The following RALB variants were observed in gnomAD, a reference collection of about 807,000 sequenced individuals.
RALB encodes the protein RAS like proto-oncogene B, also known as ras-related protein Ral-B.
In RALB, 16 loss-of-function variants were observed where a neutral mutation model predicts 21.3. The ratio of observed to expected loss-of-function variants is 0.75; its 90% CI spans 0.51 to 1.14. The LOEUF (loss-of-function observed/expected upper bound fraction) is 1.14. Among genes scored for constraint, RALB ranks in the 50% most tolerant of loss-of-function variants. The probability of loss-of-function intolerance (pLI) is 0.00; values close to 1 mark genes in which losing one functional copy is unlikely to be tolerated. For missense variants in RALB, 161 were observed against 256.2 expected, an observed-to-expected ratio of 0.63 and a Z score of 2.54; for synonymous variants, 93 against 96.1, an observed-to-expected ratio of 0.97 and a Z score of 0.19.
At chr2:120,261,038 C>T (rs933716220) in intron 1 of RALB, among the ~76,000 whole-genome samples, 1 of 152,122 alleles carries the variant, frequency 6.6e-6, no homozygotes, top group African/African-American at 2.4e-5. Context: ...CACTCCAGAC[C>T]TACTGAATCA....
At chr2:120,246,860 C>G (rs1688978819) in intron 1 of RALB, among the ~76,000 whole-genome samples, 2 of 152,216 alleles carry the variant, frequency 1.3e-5, no homozygotes, top group South Asian at 4.1e-4. Flanking sequence ...TCCAAGGAAG[C>G]CCTTGTGATG....
chr2:120,294,464 T>C lies in RALB; in HGVS notation c.*1204T>C, dbSNP rs1690375416. On this transcript the variant is annotated 3_prime_UTR_variant, in exon 5 of 5. Transcript: ENST00000272519. ...CATCAGTATTCTAAATTGAGCAAAC[T>C]GAAAGATTTTCATCAGGAAAGGAGC... The C allele has an allele frequency of 2.6e-6, 1 of 391,118 alleles. No homozygotes were observed. The highest frequency in any genetic ancestry group is 4.5e-6 in the Non-Finnish European group (1 of 221,842). The allele number at this position is 391,118 out of a possible 1,614,324, so 24.2% of individuals were successfully genotyped here.
At chr2:120,281,035 C>T (rs13022486) in intron 2 of RALB, 142,774 of 290,520 alleles carry the variant, frequency 0.49, 37,387 homozygotes, top group Middle Eastern at 0.66. Flanking sequence ...AAACAACATA[C>T]ATTTGTCATT....
chr2:120,268,150 T>C (rs576662834), intron 1 of RALB, among the ~76,000 whole-genome samples: 2 of 152,280 alleles, frequency 1.3e-5, no homozygotes, highest in Admixed American at 1.3e-4. Flanking sequence ...CCACCAAATT[T>C]TACAAATTGG....
At chr2:120,257,475 T>TA (rs1215336890) in intron 1 of RALB, among the ~76,000 whole-genome samples, 1 of 151,730 alleles carries the variant, frequency 6.6e-6, no homozygotes, top group Non-Finnish European at 1.5e-5. Flanking sequence ...AAATGACCTC[T>TA]AAGTCCCTTC....
intron 1 of RALB, among the ~76,000 whole-genome samples, chr2:120,259,723 T>G (rs1032164223): frequency 1.1e-4 from 17 of 152,256 alleles, no homozygotes; most frequent in Admixed American, 2.6e-4. Flanking sequence ...CAGGTGGAGC[T>G]GCCTGCCAGT....
At position 120,289,609 on chromosome 2, in the gene RALB, A is replaced by G; in HGVS notation, c.353A>G (p.Glu118Gly). Reference protein sequence around the residue: ...REQILRVKAEEDKIPLLVVGN... With the variant: ...REQILRVKAEGDKIPLLVVGN... ...CAGATTCTCCGTGTGAAGGCTGAAG[A>G]AGATAAAATTCCACTGCTCGTCGTG... is the stretch of plus-strand genomic sequence containing the variant. Residue 118 changes from glutamate (E) to glycine (G), a missense_variant, in exon 4 of 5, where the codon GAA becomes GGA. Coordinates refer to ENST00000272519, the MANE Select transcript of RALB (RefSeq NM_002881.3). 7 of 1,614,096 alleles carry G rather than the reference A, an allele frequency of 4.3e-6. No homozygotes were observed. The highest frequency in any genetic ancestry group is 5.9e-6 in the Non-Finnish European group (7 of 1,180,010).
chr2:120,278,595 G>A, intron 1 of RALB, 23 bp from the exon 2 acceptor site: 2 of 1,432,418 alleles, frequency 1.4e-6, no homozygotes, highest in Non-Finnish European at 1.8e-6. Context: ...TCGCCTCTAA[G>A]TCTTTGTCTT....
intron 1 of RALB, among the ~76,000 whole-genome samples, chr2:120,246,941 G>A (rs986668606): frequency 2.6e-5 from 4 of 152,250 alleles, no homozygotes; most frequent in Non-Finnish European, 5.9e-5. Context: ...CCTTGGATGA[G>A]GTTGGCTTCC....
upstream of RALB, among the ~76,000 whole-genome samples, chr2:120,249,088 G>A (rs534128722): frequency 1.3e-4 from 19 of 149,772 alleles, no homozygotes; most frequent in Non-Finnish European, 2.1e-4. Flanking sequence ...AGGCTGGAGT[G>A]CAGTGGCATG....
In RALB at chr2:120,289,722, G is replaced by C. The variant is rs1266253050; in HGVS notation, c.466G>C (p.Glu156Gln). Residue 156 changes from glutamate to glutamine, a missense_variant, in exon 4 of 5, where the codon GAG (glutamate) becomes CAG (glutamine). Glu to Gln is a conservative substitution (Grantham distance 29). Coordinates refer to ENST00000272519, the MANE Select transcript of RALB (RefSeq NM_002881.3). Reference sequence around the variant, plus strand: ...CGAAGAGTGGGGCGTGCAGTACGTGGAGACGTCAGCGAAGACCCGGGCCAA... The same window carrying C: ...CGAAGAGTGGGGCGTGCAGTACGTGCAGACGTCAGCGAAGACCCGGGCCAA... ...KAEEWGVQYV[E>Q]TSAKTRANVD... 1 of 1,612,878 alleles carries C rather than the reference G, an allele frequency of 6.2e-7. No individual in the cohort carries two copies. Among genetic ancestry groups the C allele is most frequent in the Non-Finnish European group, 8.5e-7 (1 of 1,179,528 alleles).
chr2:120,252,634 C>T (rs931506599), upstream of RALB: 2 of 245,632 alleles, frequency 8.1e-6, no homozygotes, highest in South Asian at 1.5e-4. Context: ...CAGAGGGGGA[C>T]GGGGCAGGCG....
chr2:120,288,553 A>G (rs923105211), intron 3 of RALB, among the ~76,000 whole-genome samples: 4 of 151,984 alleles, frequency 2.6e-5, no homozygotes, highest in African/African-American at 9.7e-5. Context: ...TACAAAATAC[A>G]TTTTTGAAGG....
intron 2 of RALB, among the ~76,000 whole-genome samples, chr2:120,281,817 A>C (rs1038650090): frequency 6.6e-6 from 1 of 152,094 alleles, no homozygotes; most frequent in African/African-American, 2.4e-5. Flanking sequence ...TGGGGAAGAG[A>C]GGGGGTGGTG....
chr2:120,264,147 CTATTTATT>C (rs1167060142), intron 1 of RALB, among the ~76,000 whole-genome samples: 1 of 149,870 alleles, frequency 6.7e-6, no homozygotes, highest in African/African-American at 2.5e-5. Context: ...CTGCGCTAGC[CTATTTATT>C]TATTTATTTA....
chr2:120,260,539 A>G (rs1464489647), intron 1 of RALB, among the ~76,000 whole-genome samples: 1 of 152,214 alleles, frequency 6.6e-6, no homozygotes, highest in East Asian at 1.9e-4. Flanking sequence ...TGTGGTGCAG[A>G]TGAGGAGGGA....
intron 1 of RALB, among the ~76,000 whole-genome samples, chr2:120,260,491 T>A (rs1689335752): frequency 6.6e-6 from 1 of 152,234 alleles, no homozygotes. Flanking sequence ...GGCTGCATCC[T>A]CAGGTTCGTA....
chr2:120,269,738 A>G (rs966167152), intron 1 of RALB, among the ~76,000 whole-genome samples: 1 of 152,242 alleles, frequency 6.6e-6, no homozygotes, highest in African/African-American at 2.4e-5. Context: ...AATTTATGCA[A>G]GAATTCCCCA....
At position 120,284,578 on chromosome 2, in the gene RALB, T is replaced by G. The variant is rs145580934; in HGVS notation, c.115-1296T>G. ...CATACCTGGCTAATCTTTTGTATTT[T>G]TAGTAGAGATGGGTTTTCACCATGT... On this transcript the variant is annotated intron_variant, in intron 2 of 4. Coordinates refer to ENST00000272519, the MANE Select transcript of RALB (RefSeq NM_002881.3). Among the ~76,000 whole-genome samples the G allele has an allele frequency of 9.3e-3, 1,413 of 152,288 alleles. 21 individuals are homozygous for G. Among genetic ancestry groups the G allele is most frequent in the Non-Finnish European group, 0.013 (897 of 68,028 alleles).
Sources: gnomAD v4.1 joint callset for allele counts (sites outside exome capture counted in the v4.1 genomes callset) on GRCh38, gnomAD v4.1.1 for gene constraint, MANE v1.5 for transcripts, NCBI Gene and HGNC (gene_info 2026-07-23, HGNC 2026-07-21) for gene names.